Variants in MFRP observed in about 807,000 individuals in gnomAD.
MFRP encodes membrane frizzled-related protein.
In MFRP, 74 loss-of-function variants were observed where a neutral mutation model predicts 65.8. The observed-to-expected ratio is 1.12, with a 90% CI of 0.93 to 1.36. The LOEUF (loss-of-function observed/expected upper bound fraction) is 1.36. Ranked by LOEUF, MFRP falls within the 40% of genes most tolerant of loss-of-function variation. The pLI is 0.00. For synonymous variants in MFRP, 336 were observed against 288.3 expected, an observed-to-expected ratio of 1.17 and a Z score of -1.68; for missense variants, 838 against 736.0, an observed-to-expected ratio of 1.14 and a Z score of -1.60.
chr11:119,340,607 C>A, intron 13 of MFRP, 88 bp downstream of exon 13: 1 of 567,764 alleles, frequency 1.8e-6, no homozygotes, highest in South Asian at 2.2e-5. Flanking sequence ...AGGGTGGGAG[C>A]GGCCAGCCCT....
rs760949334 is a variant in MFRP at position 119,343,789 on chromosome 11, T to C, written c.1124+27A>G. ...GTGGCAGACAGTGAGGATGGAGTTA[T>C]CCATGGCTCTTCCCTGGCTCCTGTA... On this transcript the variant is annotated intron_variant, in intron 9 of 14. Coordinates refer to ENST00000619721, the MANE Select transcript of MFRP (RefSeq NM_031433.4). The C allele has an allele frequency of 6.8e-6, 11 of 1,613,566 alleles. No homozygotes were observed. In the South Asian group the frequency reaches 1.1e-4, roughly 16 times the overall value.
In MFRP at chr11:119,340,699, C is replaced by A. The variant is rs185696769; in HGVS notation, c.*849G>T. ...CCCCTCCTCCGCCAGACTCACCCCC[C>A]CTCCCGGCTCCCCGATGGCCTCCTT... On this transcript the variant is annotated 3_prime_UTR_variant, in exon 13 of 15. Transcript: ENST00000619721. The A allele has an allele frequency of 5.3e-4, 228 of 429,408 alleles. No homozygotes were observed. Among genetic ancestry groups the A allele is most frequent in the African/African-American group, 3.8e-3 (181 of 47,250 alleles). The allele number at this position is 429,408 out of a possible 1,614,324, so 26.6% of individuals were successfully genotyped here. A position where few individuals can be genotyped will look rare whatever the true frequency, so the allele number is the denominator to read the frequency against.
chr11:119,340,508 G>C, intron 13 of MFRP, 68 bp from the exon 14 acceptor site: 2 of 1,241,976 alleles, frequency 1.6e-6, no homozygotes, highest in South Asian at 2.7e-5. Context: ...CCACCCCGGC[G>C]CGGCCCAGTC....
chr11:119,346,074 A>G lies in MFRP; in HGVS notation c.243T>C (p.Leu81=). Reference sequence around the variant, plus strand: ...CCAGGATGATGGCCACCAGCAGCCCAAGCAGCAGGAGGAGCAGGCTGGAGA... The same window carrying G: ...CCAGGATGATGGCCACCAGCAGCCCGAGCAGCAGGAGGAGCAGGCTGGAGA... The part of the protein sequence containing the change: ...LLLSSLLLLL[L]GLLVAIILAQ... Residue 81 remains leucine (L), a synonymous_variant, in exon 3 of 15, where the codon CTT becomes CTC. Transcript: ENST00000619721. 1 of 1,610,308 alleles carries G rather than the reference A, an allele frequency of 6.2e-7. No individual in the cohort carries two copies. The highest frequency in any genetic ancestry group is 8.5e-7 in the Non-Finnish European group (1 of 1,178,348).
At position 119,344,854 on chromosome 11, in the gene MFRP, G is replaced by A. The variant is rs1950543681; in HGVS notation, c.772+20C>T. 4 of 1,613,444 alleles carry A rather than the reference G, an allele frequency of 2.5e-6. No individual in the cohort carries two copies. The highest frequency in any genetic ancestry group is 3.4e-6 in the Non-Finnish European group (4 of 1,180,016). On this transcript the variant is annotated intron_variant, in intron 6 of 14. Coordinates refer to ENST00000619721, the MANE Select transcript of MFRP (RefSeq NM_031433.4). ...GGGGAAGAAAGTGGACACTCAACAG[G>A]CAGGTGGGAACACACTCACCGCGCC...
intron 11 of MFRP, among the ~76,000 whole-genome samples, chr11:119,342,254 T>A (rs1162373497): frequency 1.3e-5 from 2 of 152,222 alleles, no homozygotes; most frequent in East Asian, 3.8e-4. Flanking sequence ...TTGCAGGGAC[T>A]GCTTGGGCAT....
At chr11:119,345,744 C>T in intron 4 of MFRP, 29 bp downstream of exon 4, 1 of 1,613,382 alleles carries the variant, frequency 6.2e-7, no homozygotes, top group Non-Finnish European at 8.5e-7. Context: ...TTGGGCCCTT[C>T]TCCCGGAAGA....
chr11:119,340,289 T>C lies in MFRP; in HGVS notation c.*1005A>G. 6.5e-7 allele frequency: 1 copy of C among 1,532,094 alleles called. No individual in the cohort carries two copies. The highest frequency in any genetic ancestry group is 8.8e-7 in the Non-Finnish European group (1 of 1,141,040). The allele number at this position is 1,532,094 out of a possible 1,614,324, so 94.9% of individuals were successfully genotyped here. On this transcript the variant is annotated 3_prime_UTR_variant, in exon 14 of 15. Transcript: ENST00000619721. Reference sequence around the variant, plus strand: ...CCCTGGCTGCCATGGTGGCCCGGCGTGCCTGGAAGGCCGGGGTGCCCCGGG... The same window carrying C: ...CCCTGGCTGCCATGGTGGCCCGGCGCGCCTGGAAGGCCGGGGTGCCCCGGG...
intron 13 of MFRP, 34 bp downstream of exon 13, chr11:119,340,661 C>G (rs550258065): frequency 2.3e-5 from 12 of 514,024 alleles, no homozygotes; most frequent in Admixed American, 3.9e-5. Context: ...ACAGTCCCCT[C>G]CCCAGCCCCT....
At position 119,344,319 on chromosome 11, in the gene MFRP, T is replaced by C. The variant is rs142198552; in HGVS notation, c.971A>G (p.Gln324Arg). The change falls in exon 8 of 15, where the codon CAA (glutamine) becomes CGA (arginine). Residue 324 changes from glutamine to arginine, a missense_variant. Gln to Arg is a conservative substitution (Grantham distance 43, BLOSUM62 1). Transcript: ENST00000619721. ...TGCATGGAGCACTGTGCTTACCAGT[T>C]GGTGAGGGTACTGCTGCAGGTAGCT... Reference protein sequence around the residue: ...TPSYLQQYPHQLLCTWHISVP... With the variant: ...TPSYLQQYPHRLLCTWHISVP... 420 of 1,613,870 alleles carry C rather than the reference T, an allele frequency of 2.6e-4. No individual in the cohort carries two copies. Among genetic ancestry groups the C allele is most frequent in the Non-Finnish European group, 3.5e-4 (409 of 1,179,922 alleles).
Position 119,345,689 on chromosome 11 carries a change from C to T in MFRP, c.428-56G>A, listed in dbSNP as rs913748980. On this transcript the variant is annotated intron_variant, in intron 4 of 14. Transcript: ENST00000619721. ...CAAAAGGAGTGAGGTCCTTTATTCTCAAGGTGCCTCTTCCTCACCCTCCCC... is the reference window on the plus strand; with the variant it reads ...CAAAAGGAGTGAGGTCCTTTATTCTTAAGGTGCCTCTTCCTCACCCTCCCC... The T allele has an allele frequency of 4.3e-6, 7 of 1,612,028 alleles. No individual in the cohort carries two copies. In the Admixed American group the frequency reaches 6.7e-5, roughly 15 times the overall value.
chr11:119,343,378 G>A (rs192120917), intron 9 of MFRP, among the ~76,000 whole-genome samples: 72 of 152,294 alleles, frequency 4.7e-4, no homozygotes, highest in African/African-American at 9.6e-4. Flanking sequence ...TTATCTGGGC[G>A]TGGTGGCATG....
Position 119,346,041 on chromosome 11 carries a change from C to T in MFRP, c.271+5G>A. The T allele has an allele frequency of 6.2e-7, 1 of 1,611,666 alleles. No individual in the cohort carries two copies. Among genetic ancestry groups the T allele is most frequent in the Non-Finnish European group, 8.5e-7 (1 of 1,179,008 alleles). On this transcript the variant is annotated splice_donor_5th_base_variant and intron_variant, in intron 3 of 14. Coordinates refer to ENST00000619721, the MANE Select transcript of MFRP (RefSeq NM_031433.4). ...CCTCGTTTCAAGCTGTCCCCGGGTA[C>T]TTACGGGCCAGGATGATGGCCACCA...
At chr11:119,342,852 C>T in intron 10 of MFRP, 21 bp downstream of exon 10, 1 of 1,613,052 alleles carries the variant, frequency 6.2e-7, no homozygotes, top group Non-Finnish European at 8.5e-7. Flanking sequence ...TGCCCCCACC[C>T]ACTTGCCCAG....
rs747647680 is a variant in MFRP, at chr11:119,339,523, C to T, written c.*1436G>A. The stretch of plus-strand genomic sequence containing the variant: ...CTGGCTTGGGCCACCCCCCGAAAAA[C>T]TGGAAGAAAGAGGCAATGGATTCGC... On this transcript the variant is annotated 3_prime_UTR_variant, in exon 15 of 15. Coordinates refer to ENST00000619721, the MANE Select transcript of MFRP (RefSeq NM_031433.4). This position sits in a 1 kb window ranked among gnomAD's most constrained non-coding sequence, Gnocchi z 5.4. 9.9e-6 allele frequency: 16 copies of T among 1,613,810 alleles called. No individual in the cohort carries two copies. In the South Asian group the frequency reaches 1.8e-4, roughly 18 times the overall value.
intron 2 of MFRP, 33 bp downstream of exon 2, chr11:119,346,239 G>T: frequency 6.3e-7 from 1 of 1,579,934 alleles, no homozygotes; most frequent in African/African-American, 1.3e-5. Flanking sequence ...GGGCCTCTCT[G>T]TCCTCCCCCA....
intron 8 of MFRP, 122 bp downstream of exon 8, chr11:119,344,193 G>A: frequency 9.4e-7 from 1 of 1,068,416 alleles, no homozygotes; most frequent in Non-Finnish European, 1.4e-6. Flanking sequence ...TCCCCCGTCT[G>A]CTTGATCTCT....
chr11:119,345,950 G>A (rs752324731), intron 3 of MFRP, 22 bp from the exon 4 acceptor site: 4 of 1,613,692 alleles, frequency 2.5e-6, no homozygotes, highest in Non-Finnish European at 2.5e-6. Flanking sequence ...AAGATGGAGG[G>A]TGGCGTTCAG....
rs1310658069 is a variant in MFRP, at chr11:119,341,635, A to G, written c.1653T>C (p.Ser551=). 6.2e-7 allele frequency: 1 copy of G among 1,612,962 alleles called. No individual in the cohort carries two copies. Among genetic ancestry groups the G allele is most frequent in the Admixed American group, 1.7e-5 (1 of 60,032 alleles). The part of the protein sequence containing the change: ...VCQEAEHQCQ[S]GLALLGTPWP... ...AGGGGGTGCCCAGTAGTGCCAGGCCAGACTGGCACTGGTGCTCCGCTTCCT... is the reference window on the plus strand; with the variant it reads ...AGGGGGTGCCCAGTAGTGCCAGGCCGGACTGGCACTGGTGCTCCGCTTCCT... Residue 551 remains serine, a synonymous_variant, in exon 13 of 15, where the codon TCT becomes TCC. Transcript: ENST00000619721.
Sources: allele counts gnomAD v4.1 joint callset (sites outside exome capture counted in the v4.1 genomes callset), GRCh38; gene constraint gnomAD v4.1.1; non-coding constraint Gnocchi (gnomAD v3.1); transcripts MANE v1.5; gene names NCBI Gene and HGNC (gene_info 2026-07-23, HGNC 2026-07-21).